CHCHD3: variants seen among roughly 807,000 people sequenced by gnomAD.
CHCHD3 encodes the protein MICOS complex subunit MIC19.
In CHCHD3, 20 loss-of-function variants were observed where a neutral mutation model predicts 38.2. The ratio of observed to expected loss-of-function variants is 0.52; its 90% CI spans 0.37 to 0.76. CHCHD3 has a LOEUF of 0.76. Among genes scored for constraint, CHCHD3 ranks in the 30% least tolerant of loss-of-function variants. CHCHD3 has a pLI of 0.00. For missense variants in CHCHD3, 245 were observed against 279.2 expected (o/e 0.88, Z 0.87); for synonymous variants, 82 against 100.0 (o/e 0.82, Z 1.07).
At chr7:132,896,292 C>A (rs1322443768) in intron 4 of CHCHD3, among the ~76,000 whole-genome samples, 2 of 152,190 alleles carry the variant, frequency 1.3e-5, no homozygotes, top group Non-Finnish European at 2.9e-5. Context: ...ATGTTCAGAT[C>A]AGGCAAGGCT....
At chr7:132,932,515 C>G (rs1193075391) in intron 4 of CHCHD3, among the ~76,000 whole-genome samples, 1 of 152,318 alleles carries the variant, frequency 6.6e-6, no homozygotes, top group South Asian at 2.1e-4. Flanking sequence ...TTGGCCTACG[C>G]AACTTGCCAG....
chr7:132,972,259 CG>C (rs1476847418), intron 4 of CHCHD3, among the ~76,000 whole-genome samples: 2 of 152,034 alleles, frequency 1.3e-5, no homozygotes, highest in Non-Finnish European at 2.9e-5. Context: ...CACACAAAAA[CG>C]TATTTATCAG....
intron 2 of CHCHD3, among the ~76,000 whole-genome samples, chr7:133,042,265 A>G (rs1431545163): frequency 6.6e-6 from 1 of 152,202 alleles, no homozygotes; most frequent in Non-Finnish European, 1.5e-5. Context: ...TTACAATCTT[A>G]AAAAGGCTTC....
chr7:132,829,089 G>A (rs1807575514), intron 6 of CHCHD3, among the ~76,000 whole-genome samples: 1 of 152,114 alleles, frequency 6.6e-6, no homozygotes, highest in Non-Finnish European at 1.5e-5. Flanking sequence ...TCTTATCTTT[G>A]AAAGCATGAT....
chr7:132,983,842 G>A (rs1040021677), intron 3 of CHCHD3, among the ~76,000 whole-genome samples: 1 of 152,176 alleles, frequency 6.6e-6, no homozygotes, highest in African/African-American at 2.4e-5. Context: ...AAGGACTGTT[G>A]TAGAAAAAGA....
At position 132,785,918 on chromosome 7, in the gene CHCHD3, C is replaced by A. The variant is rs181648860; in HGVS notation, c.661-258G>T. 2.6e-5 allele frequency among the ~76,000 whole-genome samples: 4 copies of A among 152,328 alleles called. No homozygotes were observed. The East Asian group carries it at 7.7e-4, about 29-fold the overall frequency. ...CAAGGCCGGGCGCAGTAGCTCACGCCTGTAATCCTAGCACTTTGGGAGGCC... is the reference window on the plus strand; with the variant it reads ...CAAGGCCGGGCGCAGTAGCTCACGCATGTAATCCTAGCACTTTGGGAGGCC... On this transcript the variant is annotated intron_variant, in intron 7 of 7. Transcript: ENST00000262570.
intron 6 of CHCHD3, among the ~76,000 whole-genome samples, chr7:132,822,807 C>T (rs945341658): frequency 1.3e-5 from 2 of 151,146 alleles, no homozygotes; most frequent in Non-Finnish European, 2.9e-5. Context: ...CCGCCCCCAC[C>T]GCGCCCCCCA....
At chr7:132,850,438 GT>G (rs55705092) in intron 5 of CHCHD3, among the ~76,000 whole-genome samples, 75,427 of 141,676 alleles carry the variant, frequency 0.53, 19,820 homozygotes, top group Middle Eastern at 0.59. Context: ...AGAGTCTCAG[GT>G]TTTTTTTTTT....
At chr7:132,920,293 C>T (rs1810229215) in intron 4 of CHCHD3, among the ~76,000 whole-genome samples, 1 of 152,180 alleles carries the variant, frequency 6.6e-6, no homozygotes, top group Non-Finnish European at 1.5e-5. Flanking sequence ...GAACCTATGG[C>T]AGGCAAAGCC....
At chr7:133,041,254 A>C (rs1427628657) in intron 2 of CHCHD3, among the ~76,000 whole-genome samples, 1 of 152,210 alleles carries the variant, frequency 6.6e-6, no homozygotes, top group Admixed American at 6.5e-5. Flanking sequence ...CCATTACCTC[A>C]TTAGATTACA....
chr7:132,927,472 C>T (rs1810403918), intron 4 of CHCHD3, among the ~76,000 whole-genome samples: 1 of 152,218 alleles, frequency 6.6e-6, no homozygotes, highest in African/African-American at 2.4e-5. Context: ...AAATCTCAGA[C>T]TCACCAAGTT....
chr7:132,965,418 A>G (rs181736375), intron 4 of CHCHD3, among the ~76,000 whole-genome samples: 1 of 152,124 alleles, frequency 6.6e-6, no homozygotes, highest in East Asian at 1.9e-4. Context: ...TCAAACACCC[A>G]AGAAGATAGT....
chr7:132,814,417 G>A (rs1408865036), intron 6 of CHCHD3, among the ~76,000 whole-genome samples: 1 of 152,214 alleles, frequency 6.6e-6, no homozygotes, highest in African/African-American at 2.4e-5. Context: ...GGAGAAATGT[G>A]AAAGTGCTAA....
chr7:132,884,180 A>T (rs1809146554), intron 5 of CHCHD3, among the ~76,000 whole-genome samples: 1 of 151,954 alleles, frequency 6.6e-6, no homozygotes, highest in African/African-American at 2.4e-5. Context: ...GCCTTCCCAA[A>T]CATGCCAAGT....
chr7:132,949,965 A>G (rs1191505282), intron 4 of CHCHD3, among the ~76,000 whole-genome samples: 1 of 152,148 alleles, frequency 6.6e-6, no homozygotes, highest in Non-Finnish European at 1.5e-5. Context: ...GCTTTCCTCC[A>G]GGAGGTTCTC....
At chr7:132,893,987 A>C (rs763532379) in intron 4 of CHCHD3, among the ~76,000 whole-genome samples, 2 of 152,232 alleles carry the variant, frequency 1.3e-5, no homozygotes, top group Non-Finnish European at 2.9e-5. Flanking sequence ...TCTCTTAAAT[A>C]AGAATGCAGA....
At chr7:133,068,777 A>C (rs955352330) in intron 2 of CHCHD3, among the ~76,000 whole-genome samples, 2 of 152,182 alleles carry the variant, frequency 1.3e-5, no homozygotes, top group African/African-American at 4.8e-5. Context: ...AAAAGAAAAC[A>C]AGGATGAATC....
chr7:132,785,661 C>T lies in CHCHD3; in HGVS notation c.661-1G>A. 1.9e-6 allele frequency: 3 copies of T among 1,614,034 alleles called. No individual in the cohort carries two copies. Among genetic ancestry groups the T allele is most frequent in the Non-Finnish European group, 2.5e-6 (3 of 1,179,988 alleles). On this transcript the variant is annotated splice_acceptor_variant, in intron 7 of 7. Transcript: ENST00000262570. LOFTEE classifies it high-confidence loss of function. Reference sequence around the variant, plus strand: ...TTTATCCTCCCTTCTCAAGCATGCTCTGCAAGAAAAACAGAAAGAGTAAGT... The same window carrying T: ...TTTATCCTCCCTTCTCAAGCATGCTTTGCAAGAAAAACAGAAAGAGTAAGT...
intron 4 of CHCHD3, among the ~76,000 whole-genome samples, chr7:132,930,130 A>C (rs2117253175): frequency 6.6e-6 from 1 of 150,930 alleles, no homozygotes; most frequent in East Asian, 2.0e-4. Context: ...GTGTTGCCTA[A>C]CTCACTTCCT....
Sources: allele counts gnomAD v4.1 joint callset (sites outside exome capture counted in the v4.1 genomes callset), GRCh38; gene constraint gnomAD v4.1.1; transcripts MANE v1.5; gene names NCBI Gene and HGNC (gene_info 2026-07-23, HGNC 2026-07-21).